The following BLTP3A variants were observed in gnomAD, a reference collection of about 807,000 sequenced individuals.
The protein encoded by BLTP3A is bridge-like lipid transfer protein family member 3A.
At chr6:34,865,742 A>G in the BLTP3A span, among the ~76,000 whole-genome samples, 1 of 152,158 alleles carries the variant, frequency 6.6e-6, no homozygotes, top group Non-Finnish European at 1.5e-5. Flanking sequence ...GTGAGTTAAT[A>G]TTTCACTGTG....
the BLTP3A span, among the ~76,000 whole-genome samples, chr6:34,800,816 C>T: frequency 2.8e-5 from 4 of 141,200 alleles, no homozygotes; most frequent in Non-Finnish European, 6.3e-5. Context: ...CCACCTCCGC[C>T]TCCCAGGTGC....
chr6:34,856,171 C>T, the BLTP3A span: 1 of 1,554,282 alleles, frequency 6.4e-7, no homozygotes, highest in Non-Finnish European at 8.7e-7. Flanking sequence ...ACTATACTGA[C>T]AGAAAGGAAA....
chr6:34,835,756 G>T, the BLTP3A span, among the ~76,000 whole-genome samples: 1 of 152,150 alleles, frequency 6.6e-6, no homozygotes, highest in Non-Finnish European at 1.5e-5. Context: ...AATTATTACA[G>T]TATGGTGTGA....
At chr6:34,867,795 G>C in the BLTP3A span, among the ~76,000 whole-genome samples, 1 of 152,164 alleles carries the variant, frequency 6.6e-6, no homozygotes, top group Admixed American at 6.5e-5. Context: ...GCCTCTCAGA[G>C]CTCTTTCTGG....
the BLTP3A span, among the ~76,000 whole-genome samples, chr6:34,855,333 T>G: frequency 1.3e-5 from 2 of 152,218 alleles, no homozygotes; most frequent in Non-Finnish European, 2.9e-5. Context: ...AATTTCTGAA[T>G]CCCGAGTTTG....
chr6:34,875,823 G>C, the BLTP3A span: 1 of 152,356 alleles, frequency 6.6e-6, no homozygotes, highest in South Asian at 2.1e-4. Context: ...TAGTCCTCAG[G>C]ATTAAGTGTA....
the BLTP3A span, among the ~76,000 whole-genome samples, chr6:34,832,745 C>T: frequency 1.3e-5 from 2 of 152,134 alleles, no homozygotes; most frequent in Non-Finnish European, 2.9e-5. Flanking sequence ...TCACTGTGCC[C>T]AGCCTCTTTA....
chr6:34,817,866 TTTG>T, the BLTP3A span, among the ~76,000 whole-genome samples: 682 of 144,356 alleles, frequency 4.7e-3, 5 homozygotes, highest in African/African-American at 0.017. Context: ...TTTTTTTTTT[TTTG>T]GGGGGGTGGA....
At chr6:34,861,782 A>T in the BLTP3A span, among the ~76,000 whole-genome samples, 1 of 152,080 alleles carries the variant, frequency 6.6e-6, no homozygotes, top group Middle Eastern at 3.2e-3. Flanking sequence ...ATGTGGTTTC[A>T]CCATGTTGCA....
chr6:34,823,319 G>GTCTCCCA, the BLTP3A span: 1 of 1,614,082 alleles, frequency 6.2e-7, no homozygotes, highest in Non-Finnish European at 8.5e-7. Context: ...CCAATGGACA[G>GTCTCCCA]TCTCCCATTG....
chr6:34,836,979 G>C, the BLTP3A span, among the ~76,000 whole-genome samples: 1 of 152,212 alleles, frequency 6.6e-6, no homozygotes, highest in South Asian at 2.1e-4. Flanking sequence ...CCACATTCGT[G>C]AAATTGAGTT....
chr6:34,807,996 C>T, the BLTP3A span, among the ~76,000 whole-genome samples: 2 of 151,856 alleles, frequency 1.3e-5, no homozygotes, highest in Non-Finnish European at 2.9e-5. Context: ...GCTGAGATGA[C>T]ACCACTGCAT....
At chr6:34,858,479 C>G in the BLTP3A span, 2 of 1,614,138 alleles carry the variant, frequency 1.2e-6, no homozygotes, top group South Asian at 1.1e-5. Context: ...TTTGAGGGAA[C>G]AGAAAACTTC....
chr6:34,819,523 C>A, the BLTP3A span, among the ~76,000 whole-genome samples: 1 of 152,142 alleles, frequency 6.6e-6, no homozygotes, highest in African/African-American at 2.4e-5. Context: ...ATGGCCAAGA[C>A]TAAGCCCCTT....
At chr6:34,815,030 T>G in the BLTP3A span, among the ~76,000 whole-genome samples, 3 of 152,286 alleles carry the variant, frequency 2.0e-5, no homozygotes, top group Non-Finnish European at 4.4e-5. Context: ...GCAAACTGCT[T>G]CATATCCGAA....
chr6:34,838,986 C>A, the BLTP3A span, among the ~76,000 whole-genome samples: 1 of 152,232 alleles, frequency 6.6e-6, no homozygotes, highest in African/African-American at 2.4e-5. Flanking sequence ...CATGGTGGCT[C>A]ATGCCTATAA....
the BLTP3A span, chr6:34,867,230 G>A: frequency 6.2e-7 from 1 of 1,611,198 alleles, no homozygotes; most frequent in South Asian, 1.1e-5. Flanking sequence ...TGCAGAGTCT[G>A]GTCCAGAATC....
chr6:34,856,638 A>G, the BLTP3A span: 1 of 1,134,116 alleles, frequency 8.8e-7, no homozygotes, highest in Non-Finnish European at 1.2e-6. Flanking sequence ...CTTAAGAATA[A>G]TATCATTTTT....
At chr6:34,871,929 AG>A in the BLTP3A span, 15 of 1,613,218 alleles carry the variant, frequency 9.3e-6, no homozygotes, top group Non-Finnish European at 1.3e-5. Flanking sequence ...ACAGCAGGTG[AG>A]GACCTAACAG....
Sources: allele counts gnomAD v4.1 joint callset (sites outside exome capture counted in the v4.1 genomes callset), GRCh38; gene constraint gnomAD v4.1.1; transcripts MANE v1.5; gene names NCBI Gene and HGNC (gene_info 2026-07-23, HGNC 2026-07-21).